The following FRMD4A variants were observed in gnomAD, a reference collection of about 807,000 sequenced individuals.
The protein encoded by FRMD4A is FERM domain containing 4A, also known as FERM domain-containing protein 4A.
FRMD4A carries 29 observed loss-of-function variants against 129.1 expected under a neutral mutation model. That is an observed-to-expected ratio of 0.22 (90% confidence interval 0.17 to 0.31). The LOEUF is 0.31. FRMD4A is among the 10% of genes least tolerant of loss of function. The probability of loss-of-function intolerance (pLI) is 1.00; values close to 1 mark genes in which losing one functional copy is unlikely to be tolerated. For missense variants in FRMD4A, 1,272 were observed against 1,375.8 expected (o/e 0.92, Z 1.19); for synonymous variants, 634 against 571.6 (o/e 1.11, Z -1.56).
chr10:14,250,364 T>A (rs1196244724), intron 2 of FRMD4A, among the ~76,000 whole-genome samples: 1 of 152,198 alleles, frequency 6.6e-6, no homozygotes. Context: ...AAGCATAGAA[T>A]AGCAGGAGAA....
At chr10:14,208,349 C>T (rs1842844236) in intron 2 of FRMD4A, among the ~76,000 whole-genome samples, 1 of 152,254 alleles carries the variant, frequency 6.6e-6, no homozygotes, top group Non-Finnish European at 1.5e-5. Flanking sequence ...TGGGCTCCCC[C>T]AGGTCTCTGG....
intron 2 of FRMD4A, among the ~76,000 whole-genome samples, chr10:14,270,688 A>C (rs780553563): frequency 4.6e-5 from 7 of 152,226 alleles, no homozygotes; most frequent in Non-Finnish European, 1.0e-4. Context: ...TAACCCTGTG[A>C]ATAGGCTCTT....
At chr10:14,151,415 G>C (rs1403561250) in intron 2 of FRMD4A, among the ~76,000 whole-genome samples, 1 of 152,174 alleles carries the variant, frequency 6.6e-6, no homozygotes, top group African/African-American at 2.4e-5. Context: ...AAGCACAAAA[G>C]CATGTTCTCA....
chr10:14,184,924 A>G (rs1027212489), intron 2 of FRMD4A, among the ~76,000 whole-genome samples: 1 of 152,184 alleles, frequency 6.6e-6, no homozygotes, highest in African/African-American at 2.4e-5. Context: ...CGCGACCGCT[A>G]AAGTCGTGTA....
chr10:13,939,228 T>C (rs1339040154), intron 2 of FRMD4A, among the ~76,000 whole-genome samples: 1 of 152,132 alleles, frequency 6.6e-6, no homozygotes, highest in Non-Finnish European at 1.5e-5. Flanking sequence ...GATTAGGGAG[T>C]GAAACCATCC....
At chr10:13,806,527 G>A (rs929429394) in intron 4 of FRMD4A, among the ~76,000 whole-genome samples, 1 of 152,174 alleles carries the variant, frequency 6.6e-6, no homozygotes, top group South Asian at 2.1e-4. Context: ...CCTGGGATGA[G>A]TCGTTGCTAG....
chr10:13,800,913 T>C (rs1307333227), intron 4 of FRMD4A, among the ~76,000 whole-genome samples: 1 of 152,220 alleles, frequency 6.6e-6, no homozygotes, highest in Non-Finnish European at 1.5e-5. Flanking sequence ...GGCCATCTAT[T>C]GGTTTAACAT....
At chr10:13,719,373 C>A (rs566386854) in intron 12 of FRMD4A, among the ~76,000 whole-genome samples, 1 of 152,104 alleles carries the variant, frequency 6.6e-6, no homozygotes, top group African/African-American at 2.4e-5. Context: ...AAACTGGAAG[C>A]CTACTCCCAA....
At chr10:13,728,925 C>T (rs1348474919) in intron 12 of FRMD4A, among the ~76,000 whole-genome samples, 2 of 152,090 alleles carry the variant, frequency 1.3e-5, no homozygotes, top group African/African-American at 2.4e-5. Flanking sequence ...ATGATTCAGC[C>T]ATGTCTGATA....
intron 3 of FRMD4A, among the ~76,000 whole-genome samples, chr10:13,856,644 G>A (rs180951243): frequency 3.9e-5 from 6 of 152,226 alleles, no homozygotes; most frequent in African/African-American, 9.6e-5. Context: ...GGGAAGGAGC[G>A]TGTTCTAGGA....
At chr10:13,700,581 G>A (rs1433921865) in intron 14 of FRMD4A, among the ~76,000 whole-genome samples, 1 of 152,198 alleles carries the variant, frequency 6.6e-6, no homozygotes, top group Non-Finnish European at 1.5e-5. Flanking sequence ...CTTCCCCTGA[G>A]GGAGAATGAA....
At chr10:14,176,440 C>A (rs867569940) in intron 2 of FRMD4A, among the ~76,000 whole-genome samples, 9 of 149,174 alleles carry the variant, frequency 6.0e-5, no homozygotes, top group Admixed American at 6.7e-5. Context: ...AATGTCTCCA[C>A]GAGAATCTCA....
chr10:13,768,297 C>T (rs902913564), intron 6 of FRMD4A, among the ~76,000 whole-genome samples: 2 of 152,152 alleles, frequency 1.3e-5, no homozygotes, highest in African/African-American at 4.8e-5. Context: ...CCGTGGGAAC[C>T]CCAAATGGCA....
At chr10:14,190,340 G>T (rs938444043) in intron 2 of FRMD4A, among the ~76,000 whole-genome samples, 5 of 152,124 alleles carry the variant, frequency 3.3e-5, no homozygotes, top group South Asian at 2.1e-4. Context: ...GCTGGAAGCC[G>T]ATACTATGAC....
intron 2 of FRMD4A, among the ~76,000 whole-genome samples, chr10:13,902,890 C>G (rs2094838082): frequency 6.6e-6 from 1 of 151,952 alleles, no homozygotes; most frequent in Non-Finnish European, 1.5e-5. Flanking sequence ...GAGTGTTACC[C>G]CCACTCCCAT....
chr10:14,152,992 T>A (rs527638372), intron 2 of FRMD4A, among the ~76,000 whole-genome samples: 88 of 152,170 alleles, frequency 5.8e-4, no homozygotes, highest in Non-Finnish European at 1.1e-3. Context: ...GAATGCTGGA[T>A]CCTGAGCACT....
rs80218114 is a variant in FRMD4A, at chr10:14,315,296, A to G, written c.45+14762T>C. On this transcript the variant is annotated intron_variant, in intron 2 of 24. Coordinates refer to ENST00000357447, the MANE Select transcript of FRMD4A (RefSeq NM_018027.5). The stretch of plus-strand genomic sequence containing the variant: ...CATACATACCTCTAACCACAGCTAC[A>G]TACCTCCACTAGAATGTCTCATGGA... Among the ~76,000 whole-genome samples the G allele has an allele frequency of 9.1e-3, 1,381 of 152,276 alleles. 20 individuals carry two copies. The highest frequency in any genetic ancestry group is 0.032 in the African/African-American group (1,316 of 41,544).
At chr10:14,237,675 G>A (rs961877529) in intron 2 of FRMD4A, among the ~76,000 whole-genome samples, 11 of 152,184 alleles carry the variant, frequency 7.2e-5, no homozygotes, top group Non-Finnish European at 1.5e-4. Context: ...CAGAGACAGA[G>A]AGAATTCCAG....
chr10:14,246,920 AC>A (rs1420220903), intron 2 of FRMD4A, among the ~76,000 whole-genome samples: 1 of 152,108 alleles, frequency 6.6e-6, no homozygotes, highest in Non-Finnish European at 1.5e-5. Context: ...AGGGGTAATC[AC>A]CCGGTAGTGT....
Sources: gnomAD v4.1 joint callset for allele counts (sites outside exome capture counted in the v4.1 genomes callset) on GRCh38, gnomAD v4.1.1 for gene constraint, MANE v1.5 for transcripts, NCBI Gene and HGNC (gene_info 2026-07-23, HGNC 2026-07-21) for gene names.